PPM1B: variants seen among roughly 807,000 people sequenced by gnomAD.
PPM1B encodes protein phosphatase 1B.
In PPM1B, 22 loss-of-function variants were observed where a neutral mutation model predicts 43.0. That is an observed-to-expected ratio of 0.51 (90% CI 0.37 to 0.73). The LOEUF (loss-of-function observed/expected upper bound fraction) is 0.73. Ranked by LOEUF, PPM1B falls within the 30% of genes least tolerant of loss-of-function variation. The pLI, the probability that PPM1B is intolerant of heterozygous loss-of-function variation, is 0.00. For synonymous variants in PPM1B, 217 were observed against 197.9 expected (o/e 1.10, Z -0.81); for missense variants, 632 against 584.2 (o/e 1.08, Z -0.84).
At position 44,217,067 on chromosome 2, in the gene PPM1B, C is replaced by T. The variant is rs144464108; in HGVS notation, c.965-900C>T. Among the ~76,000 whole-genome samples the T allele has an allele frequency of 3.2e-3, 483 of 151,468 alleles. 2 individuals are homozygous for T. Among genetic ancestry groups the T allele is most frequent in the Middle Eastern group, 0.014 (4 of 292 alleles). ...GAGTTGAAAGAGTAGTGGAAGTCAA[C>T]GTAAGGGTCTTGTGAGGCATGGTAA... On this transcript the variant is annotated intron_variant, in intron 3 of 5. Coordinates refer to ENST00000282412, the MANE Select transcript of PPM1B (RefSeq NM_002706.6).
intron 1 of PPM1B, among the ~76,000 whole-genome samples, chr2:44,177,543 T>A (rs937327977): frequency 4.6e-5 from 7 of 150,810 alleles, no homozygotes; most frequent in African/African-American, 7.3e-5. Context: ...CTCAGCCTCG[T>A]GAGTAGCTGA....
intron 1 of PPM1B, among the ~76,000 whole-genome samples, chr2:44,179,350 T>G (rs1558388980): frequency 1.3e-5 from 2 of 152,226 alleles, no homozygotes. Context: ...AAATCCATTG[T>G]GTATTTTACA....
At chr2:44,237,659 T>C (rs913536523), downstream of PPM1B, among the ~76,000 whole-genome samples, 2 of 152,222 alleles carry the variant, frequency 1.3e-5, no homozygotes, top group Non-Finnish European at 2.9e-5. Flanking sequence ...TAGTCTATAA[T>C]ATTGGCAACA....
At position 44,190,394 on chromosome 2, in the gene PPM1B, C is replaced by T. The variant is rs562150971; in HGVS notation, c.-14-10792C>T. Among the ~76,000 whole-genome samples the T allele has an allele frequency of 1.2e-4, 18 of 152,036 alleles. No homozygotes were observed. In the South Asian group the frequency reaches 1.9e-3, roughly 16 times the overall value. On this transcript the variant is annotated intron_variant, in intron 1 of 5. Coordinates refer to ENST00000282412, the MANE Select transcript of PPM1B (RefSeq NM_002706.6). ...GGCTGGTCTCAAACTCTTGAAGTCACGTGATCTGCCCGTCTCAGCCTCCCA... is the reference window on the plus strand; with the variant it reads ...GGCTGGTCTCAAACTCTTGAAGTCATGTGATCTGCCCGTCTCAGCCTCCCA...
rs1572741227 is a variant in PPM1B, at chr2:44,218,425, C to G, written c.1077-55C>G. 3 of 1,355,464 alleles carry G rather than the reference C, an allele frequency of 2.2e-6. No individual in the cohort carries two copies. In the East Asian group the frequency reaches 7.0e-5, roughly 32 times the overall value. The allele number at this position is 1,355,464 out of a possible 1,614,324, so 84.0% of individuals were successfully genotyped here. ...TCAGGATGAAATATTGAGATATTCA[C>G]AAGCTTAAAATTCTGTGTAATTTAA... On this transcript the variant is annotated intron_variant, in intron 4 of 5. Coordinates refer to ENST00000282412, the MANE Select transcript of PPM1B (RefSeq NM_002706.6).
At chr2:44,183,848 C>T (rs933843220) in intron 1 of PPM1B, among the ~76,000 whole-genome samples, 12 of 152,166 alleles carry the variant, frequency 7.9e-5, no homozygotes, top group African/African-American at 2.9e-4. Context: ...ACACCATTCT[C>T]CTGCCTCAGC....
intron 5 of PPM1B, among the ~76,000 whole-genome samples, chr2:44,228,551 T>A (rs1172593506): frequency 1.3e-5 from 2 of 152,254 alleles, no homozygotes; most frequent in African/African-American, 2.4e-5. Flanking sequence ...TATATGGCTT[T>A]ATTAGTGTTA....
chr2:44,216,221 T>C (rs541882459), intron 3 of PPM1B, among the ~76,000 whole-genome samples: 87 of 152,202 alleles, frequency 5.7e-4, no homozygotes, highest in African/African-American at 2.1e-3. Flanking sequence ...ATGGTAGTGG[T>C]AAATTGGACT....
At chr2:44,175,301 C>T (rs1179153640) in intron 1 of PPM1B, among the ~76,000 whole-genome samples, 5 of 152,050 alleles carry the variant, frequency 3.3e-5, no homozygotes, top group Admixed American at 6.6e-5. Flanking sequence ...CAAAGCACTC[C>T]AAATGTTAAG....
chr2:44,168,984 C>G lies in PPM1B; in HGVS notation c.-305C>G, dbSNP rs1247401941. ...AGTTTCCTGCCGGCGCGGCTGGAGT[C>G]TCTGATTCTCAGGGTTCGGTGGTTG... On this transcript the variant is annotated 5_prime_UTR_variant, in exon 1 of 6. Coordinates refer to ENST00000282412, the MANE Select transcript of PPM1B (RefSeq NM_002706.6). 6.4e-6 allele frequency: 1 copy of G among 155,158 alleles called. No individual in the cohort carries two copies. Among genetic ancestry groups the G allele is most frequent in the Non-Finnish European group, 1.4e-5 (1 of 68,968 alleles). The allele number at this position is 155,158 out of a possible 1,614,324, so 9.6% of individuals were successfully genotyped here. A position where few individuals can be genotyped will look rare whatever the true frequency, so the allele number is the denominator to read the frequency against.
downstream of PPM1B, chr2:44,232,743 A>C: frequency 4.0e-6 from 4 of 996,922 alleles, no homozygotes; most frequent in Non-Finnish European, 4.8e-6. Context: ...GTAAGAGTAA[A>C]GAATTGTATG....
chr2:44,177,230 A>G (rs1667622873), intron 1 of PPM1B, among the ~76,000 whole-genome samples: 1 of 152,200 alleles, frequency 6.6e-6, no homozygotes, highest in Non-Finnish European at 1.5e-5. Flanking sequence ...TCTATCTTAG[A>G]TTTAAAAATA....
chr2:44,179,494 CT>C (rs560440975), intron 1 of PPM1B, among the ~76,000 whole-genome samples: 1 of 151,840 alleles, frequency 6.6e-6, no homozygotes, highest in Admixed American at 6.6e-5. Flanking sequence ...CTCTCTCTCT[CT>C]TTTTTTTAAT....
intron 1 of PPM1B, among the ~76,000 whole-genome samples, chr2:44,176,872 C>A (rs1208041675): frequency 1.3e-5 from 2 of 152,090 alleles, no homozygotes; most frequent in Non-Finnish European, 2.9e-5. Flanking sequence ...GCCGCCACCT[C>A]CCAGTTCAAG....
At chr2:44,225,922 C>G (rs995903531) in intron 5 of PPM1B, among the ~76,000 whole-genome samples, 1 of 151,564 alleles carries the variant, frequency 6.6e-6, no homozygotes, top group African/African-American at 2.4e-5. Flanking sequence ...TCCAAAAGTA[C>G]TGGGATTACA....
At chr2:44,221,886 A>G (rs559843934) in intron 5 of PPM1B, among the ~76,000 whole-genome samples, 13 of 152,242 alleles carry the variant, frequency 8.5e-5, no homozygotes, top group Non-Finnish European at 1.3e-4. Flanking sequence ...TAAGTTCTTT[A>G]CTAAATTTGT....
chr2:44,174,684 C>T (rs760673978), intron 1 of PPM1B, among the ~76,000 whole-genome samples: 2 of 152,210 alleles, frequency 1.3e-5, no homozygotes, highest in Non-Finnish European at 2.9e-5. Context: ...AGTTTGAAGG[C>T]TTGCGAAGCG....
chr2:44,204,034 G>C (rs1302767299), intron 2 of PPM1B, among the ~76,000 whole-genome samples: 1 of 152,182 alleles, frequency 6.6e-6, no homozygotes, highest in Non-Finnish European at 1.5e-5. Context: ...AATGAGGAAT[G>C]ATAATAACAG....
intron 1 of PPM1B, among the ~76,000 whole-genome samples, chr2:44,170,618 T>C (rs905279939): frequency 6.6e-6 from 1 of 152,208 alleles, no homozygotes; most frequent in Non-Finnish European, 1.5e-5. Context: ...GGACGCTGAA[T>C]GTTAATAGAT....
Sources: allele counts gnomAD v4.1 joint callset (sites outside exome capture counted in the v4.1 genomes callset), GRCh38; gene constraint gnomAD v4.1.1; transcripts MANE v1.5; gene names NCBI Gene and HGNC (gene_info 2026-07-23, HGNC 2026-07-21).